The following NETO1 variants were observed in gnomAD, a reference collection of about 807,000 sequenced individuals.
NETO1 encodes the protein neuropilin and tolloid-like protein 1.
In NETO1, 26 loss-of-function variants were observed where a neutral mutation model predicts 61.3. That is an observed-to-expected ratio of 0.42 (90% CI 0.31 to 0.59). The LOEUF (loss-of-function observed/expected upper bound fraction) is 0.59, where lower values mean the gene tolerates loss of function less well. NETO1 is among the 20% of genes least tolerant of loss of function. NETO1 has a pLI of 0.12. For missense variants in NETO1, 531 were observed against 662.8 expected (o/e 0.80, Z 2.18); for synonymous variants, 225 against 225.8 (o/e 1.00, Z 0.03).
chr18:72,773,596 TGTTCTCACGATAGTGAGTGA>T (rs901248648), intron 7 of NETO1, among the ~76,000 whole-genome samples: 11 of 152,152 alleles, frequency 7.2e-5, no homozygotes, highest in African/African-American at 2.4e-4. Context: ...TCCCCCATCC[TGTTCTCACGATAGTGAGTGA>T]GTTCTCAGGA....
At position 72,783,843 on chromosome 18, in the gene NETO1, C is replaced by A. The variant is rs898864719; in HGVS notation, c.703G>T (p.Ala235Ser). 1 of 1,614,136 alleles carries A rather than the reference C, an allele frequency of 6.2e-7. No individual in the cohort carries two copies. Among genetic ancestry groups the A allele is most frequent in the African/African-American group, 1.3e-5 (1 of 75,036 alleles). ...NSNECKRNFVAVYDGSSSVED... is the reference protein window; with the variant it reads ...NSNECKRNFVSVYDGSSSVED... ...ACGGAACTGCTTCCATCATACACAG[C>A]CACAAAATTCCTCTTGCACTCATTT... Residue 235 changes from alanine to serine, a missense_variant, in exon 7 of 11, where the codon GCT becomes TCT. Physicochemically the swap from Ala to Ser is moderately conservative, Grantham distance 99. Coordinates refer to ENST00000327305, the MANE Select transcript of NETO1 (RefSeq NM_138966.5).
intron 4 of NETO1, among the ~76,000 whole-genome samples, chr18:72,808,813 C>A (rs1402491716): frequency 1.3e-5 from 2 of 152,172 alleles, no homozygotes; most frequent in African/African-American, 4.8e-5. Flanking sequence ...CTGTTGGTGC[C>A]CTTGGCAAGG....
chr18:72,825,610 C>G (rs1252045396), intron 4 of NETO1, among the ~76,000 whole-genome samples: 1 of 151,850 alleles, frequency 6.6e-6, no homozygotes, highest in Non-Finnish European at 1.5e-5. Flanking sequence ...ATTTTTCTCA[C>G]TTTTGGAGAT....
chr18:72,832,214 T>A lies in NETO1; in HGVS notation c.469+26612A>T, dbSNP rs2073604887. Among the ~76,000 whole-genome samples the A allele has an allele frequency of 2.0e-5, 3 of 152,170 alleles. 1 individual carries two copies. The South Asian group carries it at 6.2e-4, about 31-fold the overall frequency. On this transcript the variant is annotated intron_variant, in intron 4 of 10. Coordinates refer to ENST00000327305, the MANE Select transcript of NETO1 (RefSeq NM_138966.5). ...TAAAATTTGAGGCCATATAAAATAA[T>A]TTGTAATTCTTAAAAAAGTAGAATA...
chr18:72,788,600 CT>C (rs1260469378), intron 6 of NETO1, among the ~76,000 whole-genome samples: 1 of 151,850 alleles, frequency 6.6e-6, no homozygotes, highest in African/African-American at 2.4e-5. Context: ...ATACATAACA[CT>C]AGTAAAATAG....
intron 7 of NETO1, among the ~76,000 whole-genome samples, chr18:72,763,599 A>AC (rs34464479): frequency 0.31 from 47,302 of 151,766 alleles, 8,214 homozygotes; most frequent in South Asian, 0.47. Context: ...ACACACTCAC[A>AC]AACACACACA....
intron 3 of NETO1, among the ~76,000 whole-genome samples, chr18:72,862,546 C>G (rs1466347165): frequency 6.6e-6 from 1 of 151,774 alleles, no homozygotes; most frequent in East Asian, 1.9e-4. Context: ...AGTTATCGAG[C>G]AACAAATATT....
At chr18:72,768,284 A>G (rs768030292) in intron 7 of NETO1, among the ~76,000 whole-genome samples, 3 of 152,092 alleles carry the variant, frequency 2.0e-5, no homozygotes, top group Non-Finnish European at 1.5e-5. Flanking sequence ...TTAAAAATAA[A>G]TTCTTTATAT....
intron 6 of NETO1, among the ~76,000 whole-genome samples, chr18:72,790,797 A>G (rs1432043936): frequency 6.6e-6 from 1 of 152,034 alleles, no homozygotes; most frequent in African/African-American, 2.4e-5. Flanking sequence ...GTCCTTTTTT[A>G]TTTTAAGAAA....
At chr18:72,855,338 T>C (rs1468211051) in intron 4 of NETO1, among the ~76,000 whole-genome samples, 1 of 152,196 alleles carries the variant, frequency 6.6e-6, no homozygotes, top group Non-Finnish European at 1.5e-5. Context: ...TGATTTCTCC[T>C]TGATTACTGC....
chr18:72,817,208 T>C (rs901203613), intron 4 of NETO1, among the ~76,000 whole-genome samples: 1 of 152,210 alleles, frequency 6.6e-6, no homozygotes, highest in African/African-American at 2.4e-5. Flanking sequence ...TGCTGCTACC[T>C]TCTGAAACAT....
chr18:72,836,946 GAAA>G (rs2073769639), intron 4 of NETO1, among the ~76,000 whole-genome samples: 1 of 152,176 alleles, frequency 6.6e-6, no homozygotes, highest in Non-Finnish European at 1.5e-5. Flanking sequence ...TGGAGAAAAG[GAAA>G]AGCACATGAG....
chr18:72,743,846 T>A lies in NETO1; in HGVS notation c.*4333A>T, dbSNP rs1037338894. On this transcript the variant is annotated 3_prime_UTR_variant, in exon 11 of 11. Transcript: ENST00000327305. ...GTTTTGTGTCAGTATCTGTGACTAT[T>A]AAGAGAGGGCACAAAAACAATTTTT... 1 of 152,170 alleles carries A rather than the reference T, an allele frequency of 6.6e-6. No homozygotes were observed. The highest frequency in any genetic ancestry group is 1.5e-5 in the Non-Finnish European group (1 of 68,030). The allele number at this position is 152,170 out of a possible 1,614,324, so 9.4% of individuals were successfully genotyped here. A position where few individuals can be genotyped will look rare whatever the true frequency, so the allele number is the denominator to read the frequency against.
chr18:72,759,830 T>C (rs952486304), intron 7 of NETO1, among the ~76,000 whole-genome samples: 5 of 152,234 alleles, frequency 3.3e-5, no homozygotes, highest in Non-Finnish European at 7.3e-5. Flanking sequence ...AGCTGCTTTA[T>C]TTCCTAGTGA....
chr18:72,814,661 A>C (rs937403449), intron 4 of NETO1, among the ~76,000 whole-genome samples: 3 of 152,080 alleles, frequency 2.0e-5, no homozygotes, highest in Non-Finnish European at 4.4e-5. Flanking sequence ...ACTGTTTAAA[A>C]TGTTAGGAAA....
intron 4 of NETO1, among the ~76,000 whole-genome samples, chr18:72,828,412 T>C (rs181324871): frequency 2.3e-3 from 177 of 78,196 alleles, no homozygotes; most frequent in African/African-American, 8.0e-3. Context: ...GAGTTTGCAA[T>C]TATCAAACAC....
chr18:72,846,753 C>T (rs961824367), intron 4 of NETO1, among the ~76,000 whole-genome samples: 2 of 152,010 alleles, frequency 1.3e-5, no homozygotes, highest in Non-Finnish European at 2.9e-5. Flanking sequence ...ATTTTCCCAC[C>T]AGTTAACCTA....
At chr18:72,841,953 G>A (rs2073948298) in intron 4 of NETO1, among the ~76,000 whole-genome samples, 1 of 151,938 alleles carries the variant, frequency 6.6e-6, no homozygotes, top group African/African-American at 2.4e-5. Context: ...TAAGAAAAAA[G>A]ACATTTAGCT....
In NETO1 at chr18:72,746,925, A is replaced by G; in HGVS notation, c.*1254T>C. ...TAGGATTTTACTTTATGTTAAACAC[A>G]TCATAATCACTAAGCTTTCAGGTGT... On this transcript the variant is annotated 3_prime_UTR_variant, in exon 11 of 11. Coordinates refer to ENST00000327305, the MANE Select transcript of NETO1 (RefSeq NM_138966.5). Among the ~76,000 whole-genome samples the G allele has an allele frequency of 6.6e-6, 1 of 152,100 alleles. No individual in the cohort carries two copies. Among genetic ancestry groups the G allele is most frequent in the East Asian group, 1.9e-4 (1 of 5,204 alleles).
Sources: allele counts gnomAD v4.1 joint callset (sites outside exome capture counted in the v4.1 genomes callset), GRCh38; gene constraint gnomAD v4.1.1; transcripts MANE v1.5; gene names NCBI Gene and HGNC (gene_info 2026-07-23, HGNC 2026-07-21).